Variants in CD5 observed in about 807,000 individuals in gnomAD.
The protein encoded by CD5 is CD5 molecule, also known as T-cell surface glycoprotein CD5.
Under a neutral mutation model 60.3 loss-of-function variants are expected in CD5, and 36 were observed. That is an observed-to-expected ratio of 0.60 (90% CI 0.46 to 0.79). CD5 has a LOEUF of 0.79. Ranked by LOEUF, CD5 falls within the 30% of genes least tolerant of loss-of-function variation. The pLI, the probability that CD5 is intolerant of heterozygous loss-of-function variation, is 0.00. For missense variants in CD5, 540 were observed against 630.6 expected (o/e 0.86, Z 1.54); for synonymous variants, 230 against 257.6 (o/e 0.89, Z 1.03).
the CD5 span, among the ~76,000 whole-genome samples, chr11:61,096,238 G>A: frequency 2.0e-5 from 3 of 152,226 alleles, no homozygotes; most frequent in African/African-American, 7.2e-5. Context: ...AAAGATAAGT[G>A]TCCCCAACTG....
chr11:61,097,333 TTATTGGACAATA>T, the CD5 span, among the ~76,000 whole-genome samples: 1 of 152,148 alleles, frequency 6.6e-6, no homozygotes, highest in African/African-American at 2.4e-5. Context: ...AAAGCCTCAA[TTATTGGACAATA>T]TTGCATAGCT....
chr11:61,097,291 A>G, the CD5 span, among the ~76,000 whole-genome samples: 1 of 152,226 alleles, frequency 6.6e-6, no homozygotes, highest in African/African-American at 2.4e-5. Flanking sequence ...TTCTTGGCTC[A>G]AAAGAATCAC....
chr11:61,102,248 T>A (rs1270534557), upstream of CD5: 4 of 397,142 alleles, frequency 1.0e-5, no homozygotes, highest in East Asian at 2.1e-4. Context: ...TGCAGCCCTG[T>A]CCCTCCAGGA....
At chr11:61,097,441 C>CT in the CD5 span, among the ~76,000 whole-genome samples, 1 of 152,222 alleles carries the variant, frequency 6.6e-6, no homozygotes, top group Non-Finnish European at 1.5e-5. Context: ...GAAACAGTCA[C>CT]TTGGTGGAGT....
chr11:61,102,894 A>T (rs1357602538), intron 1 of CD5, among the ~76,000 whole-genome samples: 3 of 151,986 alleles, frequency 2.0e-5, no homozygotes, highest in Non-Finnish European at 2.9e-5. Context: ...TGCAGGGGGG[A>T]CCCGCATTTG....
chr11:61,105,083 G>A (rs1860758597), intron 1 of CD5, among the ~76,000 whole-genome samples: 1 of 152,164 alleles, frequency 6.6e-6, no homozygotes, highest in East Asian at 1.9e-4. Flanking sequence ...GAGCCCTGGG[G>A]ACACCACAGC....
At chr11:61,094,746 A>G in the CD5 span, among the ~76,000 whole-genome samples, 8 of 152,216 alleles carry the variant, frequency 5.3e-5, no homozygotes, top group South Asian at 1.0e-3. Context: ...CCCACTAGGA[A>G]CTATGTTGAA....
chr11:61,122,920 C>G lies in CD5; in HGVS notation c.1113C>G (p.Asn371Lys). Residue 371 changes from asparagine (N) to lysine (K), a missense_variant, in exon 7 of 11, where the codon AAC becomes AAG. By Grantham distance (94) the Asn-to-Lys change is moderately conservative (BLOSUM62 0). Coordinates refer to ENST00000347785, the MANE Select transcript of CD5 (RefSeq NM_014207.4). ...KKVFVTCQDP[N>K]PAGLAAGTVA... is the part of the protein sequence containing the mutation. ...CTCCTTCCCCAGGCCAGGATCCAAACCCCGCAGGCCTGGCCGCAGGCACGG... is the reference window on the plus strand; with the variant it reads ...CTCCTTCCCCAGGCCAGGATCCAAAGCCCGCAGGCCTGGCCGCAGGCACGG... 6.2e-7 allele frequency: 1 copy of G among 1,613,120 alleles called. No individual in the cohort carries two copies. Among genetic ancestry groups the G allele is most frequent in the Non-Finnish European group, 8.5e-7 (1 of 1,179,292 alleles).
chr11:61,110,152 G>T (rs116027640), intron 1 of CD5, among the ~76,000 whole-genome samples: 2,834 of 152,098 alleles, frequency 0.019, 93 homozygotes, highest in African/African-American at 0.063. Context: ...ATAGAAATAG[G>T]TTATGGACCC....
intron 1 of CD5, among the ~76,000 whole-genome samples, chr11:61,103,354 C>A (rs1296317796): frequency 6.6e-6 from 1 of 152,166 alleles, no homozygotes; most frequent in Non-Finnish European, 1.5e-5. Flanking sequence ...TGAGGCCTGA[C>A]CCACTTCCTG....
chr11:61,109,323 G>C (rs1198810027), intron 1 of CD5, among the ~76,000 whole-genome samples: 1 of 152,196 alleles, frequency 6.6e-6, no homozygotes, highest in African/African-American at 2.4e-5. Context: ...ACACTGCCAT[G>C]TGTTTGAAGC....
Position 61,118,323 on chromosome 11 carries a change from C to T in CD5, c.243C>T (p.Cys81=), listed in dbSNP as rs747163529. The T allele has an allele frequency of 2.5e-5, 40 of 1,614,146 alleles. No homozygotes were observed. In the Admixed American group the frequency reaches 6.7e-4, roughly 27 times the overall value. ...WEDPSQASKV[C]QRLNCGVPLS... is the part of the protein sequence containing the mutation. The stretch of plus-strand genomic sequence containing the variant: ...ACCCCAGTCAAGCGTCAAAAGTCTG[C>T]CAGCGGCTGAACTGTGGGGTGCCCT... The change falls in exon 3 of 11, where the codon TGC becomes TGT. Residue 81 remains cysteine (C), a synonymous_variant. Transcript: ENST00000347785. The surrounding 1 kb of genome is among the most constrained non-coding windows in gnomAD (Gnocchi z 4.7).
At chr11:61,114,726 G>A (rs1396589091) in intron 1 of CD5, among the ~76,000 whole-genome samples, 1 of 152,130 alleles carries the variant, frequency 6.6e-6, no homozygotes, top group Non-Finnish European at 1.5e-5. Flanking sequence ...AATGGAACTG[G>A]TGTATACCTT....
At chr11:61,119,863 A>C (rs963902651) in intron 5 of CD5, among the ~76,000 whole-genome samples, 1 of 152,088 alleles carries the variant, frequency 6.6e-6, no homozygotes, top group African/African-American at 2.4e-5. Flanking sequence ...TTCCAGGAGG[A>C]GGCAAGGTCT....
intron 8 of CD5, among the ~76,000 whole-genome samples, chr11:61,124,512 G>A (rs1861116606): frequency 6.6e-6 from 1 of 151,802 alleles, no homozygotes; most frequent in South Asian, 2.1e-4. Flanking sequence ...CACCATCCCT[G>A]GTCTTCATCC....
At chr11:61,117,117 C>A (rs1311781902) in intron 2 of CD5, among the ~76,000 whole-genome samples, 1 of 152,202 alleles carries the variant, frequency 6.6e-6, no homozygotes, top group Non-Finnish European at 1.5e-5. Flanking sequence ...TTGGCATGTC[C>A]GTGTAGTGAA....
At chr11:61,122,822 C>A in intron 6 of CD5, 85 bp from the exon 7 acceptor site, 1 of 1,419,690 alleles carries the variant, frequency 7.0e-7, no homozygotes, top group Non-Finnish European at 9.6e-7. Flanking sequence ...AGGATGACGG[C>A]GGAAGCCAGG....
chr11:61,122,944 G>A lies in CD5; in HGVS notation c.1137G>A (p.Thr379=), dbSNP rs559340518. 6.3e-5 allele frequency: 102 copies of A among 1,614,048 alleles called. No individual in the cohort carries two copies. In the South Asian group the frequency reaches 7.9e-4, roughly 13 times the overall value. Residue 379 remains threonine (T), a synonymous_variant, in exon 7 of 11, where the codon ACG becomes ACA. Transcript: ENST00000347785. ...DPNPAGLAAG[T]VASIILALVL... is the part of the protein sequence containing the mutation. ...ACCCCGCAGGCCTGGCCGCAGGCACGGTGGCAAGCATCATCCTGGCCCTGG... is the reference window on the plus strand; with the variant it reads ...ACCCCGCAGGCCTGGCCGCAGGCACAGTGGCAAGCATCATCCTGGCCCTGG...
At chr11:61,108,509 T>C (rs1279391913) in intron 1 of CD5, among the ~76,000 whole-genome samples, 1 of 152,232 alleles carries the variant, frequency 6.6e-6, no homozygotes. Flanking sequence ...AAAGGGAATT[T>C]TGGTCCTTTA....
Sources: allele counts gnomAD v4.1 joint callset (sites outside exome capture counted in the v4.1 genomes callset), GRCh38; gene constraint gnomAD v4.1.1; non-coding constraint Gnocchi (gnomAD v3.1); transcripts MANE v1.5; gene names NCBI Gene and HGNC (gene_info 2026-07-23, HGNC 2026-07-21).